CNTN1: variants seen among roughly 807,000 people sequenced by gnomAD.
CNTN1 encodes the protein contactin-1.
Under a neutral mutation model 126.4 loss-of-function variants are expected in CNTN1, and 38 were observed. The ratio of observed to expected loss-of-function variants is 0.30; its 90% CI spans 0.23 to 0.39. The LOEUF is 0.39. Ranked by LOEUF, CNTN1 falls within the 10% of genes least tolerant of loss-of-function variation. The pLI is 1.00. For synonymous variants in CNTN1, 413 were observed against 422.6 expected (o/e 0.98, Z 0.28); for missense variants, 1,009 against 1,248.4 (o/e 0.81, Z 2.89).
chr12:40,942,841 A>AT (rs1486993303), intron 12 of CNTN1, among the ~76,000 whole-genome samples: 3 of 152,108 alleles, frequency 2.0e-5, no homozygotes, highest in African/African-American at 4.8e-5. Context: ...TTATATGAAG[A>AT]TTTTTATCAG....
At chr12:41,068,452 G>C (rs1950095480) in intron 23 of CNTN1, among the ~76,000 whole-genome samples, 1 of 151,944 alleles carries the variant, frequency 6.6e-6, no homozygotes, top group Non-Finnish European at 1.5e-5. Context: ...TCACTTTCCT[G>C]CTCATTTCTA....
intron 1 of CNTN1, among the ~76,000 whole-genome samples, chr12:40,799,542 C>T (rs1372025678): frequency 6.6e-6 from 1 of 151,822 alleles, no homozygotes; most frequent in Non-Finnish European, 1.5e-5. Flanking sequence ...ACTTGGCTCT[C>T]CTTGTGAGAG....
intron 1 of CNTN1, among the ~76,000 whole-genome samples, chr12:40,816,628 C>T (rs915644410): frequency 8.0e-5 from 12 of 150,768 alleles, no homozygotes; most frequent in Non-Finnish European, 1.3e-4. Flanking sequence ...AAGGGTTTTT[C>T]GTGTCTCTGT....
rs1940809661 is a variant in CNTN1 at position 40,805,342 on chromosome 12, G to A, written c.-76-103015G>A. Among the ~76,000 whole-genome samples the A allele has an allele frequency of 2.0e-5, 3 of 151,832 alleles. No individual in the cohort carries two copies. The South Asian group carries it at 6.2e-4, about 32-fold the overall frequency. On this transcript the variant is annotated intron_variant, in intron 1 of 23. Transcript: ENST00000551295. ...AGAGTCCTTGGAAGCTCTGCACTAT[G>A]TTTTTCTCCCCATCATTTTTCCTTT... is the stretch of plus-strand genomic sequence containing the variant.
At chr12:40,906,286 T>C (rs150256842) in intron 1 of CNTN1, among the ~76,000 whole-genome samples, 56 of 152,138 alleles carry the variant, frequency 3.7e-4, no homozygotes, top group South Asian at 2.1e-3. Context: ...AAAAAAAAAT[T>C]GCTTTTCATT....
intron 1 of CNTN1, among the ~76,000 whole-genome samples, chr12:40,820,193 G>A (rs1161475574): frequency 6.6e-6 from 1 of 152,168 alleles, no homozygotes; most frequent in Non-Finnish European, 1.5e-5. Context: ...GAGAGGGTGA[G>A]GAAGTACCAG....
chr12:40,751,900 T>G (rs1938418953), intron 1 of CNTN1, among the ~76,000 whole-genome samples: 1 of 152,132 alleles, frequency 6.6e-6, no homozygotes, highest in Non-Finnish European at 1.5e-5. Flanking sequence ...AGGTGCTAAT[T>G]GACAAAGCAC....
intron 1 of CNTN1, among the ~76,000 whole-genome samples, chr12:40,825,156 G>C (rs1941570142): frequency 6.6e-6 from 1 of 152,140 alleles, no homozygotes; most frequent in Admixed American, 6.6e-5. Flanking sequence ...CTATGTTAGA[G>C]AGTGTCTATG....
At chr12:40,731,441 A>G (rs1264272387) in intron 1 of CNTN1, among the ~76,000 whole-genome samples, 2 of 152,060 alleles carry the variant, frequency 1.3e-5, no homozygotes, top group African/African-American at 4.8e-5. Flanking sequence ...AATTTTCAAA[A>G]CACCATTGGT....
At chr12:40,822,079 G>A (rs1941456576) in intron 1 of CNTN1, among the ~76,000 whole-genome samples, 1 of 148,388 alleles carries the variant, frequency 6.7e-6, no homozygotes, top group Non-Finnish European at 1.5e-5. Context: ...AAGTAACTAT[G>A]ATCCTGAATT....
chr12:40,722,640 T>C (rs1942247254), intron 1 of CNTN1, among the ~76,000 whole-genome samples: 2 of 152,078 alleles, frequency 1.3e-5, no homozygotes, highest in South Asian at 4.1e-4. Context: ...GCACACACTA[T>C]CCATGTTTTA....
chr12:40,723,283 G>T (rs1310976769), intron 1 of CNTN1, among the ~76,000 whole-genome samples: 1 of 152,124 alleles, frequency 6.6e-6, no homozygotes, highest in Non-Finnish European at 1.5e-5. Context: ...ATTTCCCTTT[G>T]CTGGGCTAAA....
At chr12:40,988,219 C>G (rs1304349087) in intron 16 of CNTN1, among the ~76,000 whole-genome samples, 1 of 152,128 alleles carries the variant, frequency 6.6e-6, no homozygotes, top group East Asian at 1.9e-4. Flanking sequence ...CCTTTAAATT[C>G]TCATTTCCAG....
intron 1 of CNTN1, among the ~76,000 whole-genome samples, chr12:40,719,745 T>C (rs1760103785): frequency 6.6e-6 from 1 of 152,248 alleles, no homozygotes. Flanking sequence ...ATTTATTATT[T>C]ACCATGTGTC....
At chr12:41,017,451 C>T (rs1948807588) in intron 19 of CNTN1, among the ~76,000 whole-genome samples, 1 of 150,296 alleles carries the variant, frequency 6.7e-6, no homozygotes, top group Non-Finnish European at 1.5e-5. Flanking sequence ...GCCCCAAATT[C>T]TAACCTAAAA....
Position 40,944,176 on chromosome 12 carries a change from T to G in CNTN1, c.1683+6T>G. The G allele has an allele frequency of 1.2e-6, 2 of 1,608,962 alleles. No individual in the cohort carries two copies. Among genetic ancestry groups the G allele is most frequent in the Non-Finnish European group, 1.7e-6 (2 of 1,175,694 alleles). ...ACTACCAGAGGAATTTTATGGTATG[T>G]GTTTTAAGTTTCATCTTATTAACAC... is the stretch of plus-strand genomic sequence containing the variant. On this transcript the variant is annotated splice_donor_region_variant and intron_variant, in intron 14 of 23. Coordinates refer to ENST00000551295, the MANE Select transcript of CNTN1 (RefSeq NM_001843.4).
At chr12:40,936,167 A>G (rs1946073943) in intron 9 of CNTN1, among the ~76,000 whole-genome samples, 2 of 152,074 alleles carry the variant, frequency 1.3e-5, no homozygotes, top group Non-Finnish European at 2.9e-5. Flanking sequence ...CTCTTTAGCT[A>G]TCAAGTAGAT....
chr12:40,767,525 A>G (rs902957439), intron 1 of CNTN1, among the ~76,000 whole-genome samples: 15 of 151,758 alleles, frequency 9.9e-5, no homozygotes, highest in Admixed American at 5.2e-4. Context: ...AGCCAGGATG[A>G]TCTCGATCTC....
intron 6 of CNTN1, among the ~76,000 whole-genome samples, chr12:40,925,579 G>GTGTATATATATATATACGTGTATATA (rs1565961657): frequency 9.4e-6 from 1 of 106,228 alleles, no homozygotes; most frequent in African/African-American, 3.7e-5. Flanking sequence ...ACGTATATAC[G>GTGTATATATATATATACGTGTATATA]TATATATACA....
Sources: gnomAD v4.1 joint callset for allele counts (sites outside exome capture counted in the v4.1 genomes callset) on GRCh38, gnomAD v4.1.1 for gene constraint, MANE v1.5 for transcripts, NCBI Gene and HGNC (gene_info 2026-07-23, HGNC 2026-07-21) for gene names.